The following CCDC7 variants were observed in gnomAD, a reference collection of about 807,000 sequenced individuals.
CCDC7 encodes coiled-coil domain containing 7.
Under a neutral mutation model 196.9 loss-of-function variants are expected in CCDC7, and 183 were observed. The observed-to-expected ratio is 0.93, with a 90% CI of 0.82 to 1.05. The LOEUF is 1.05. CCDC7 is among the 50% of genes least tolerant of loss of function. The pLI is 0.00. For synonymous variants in CCDC7, 525 were observed against 484.6 expected (o/e 1.08, Z -1.10); for missense variants, 1,540 against 1,482.2 (o/e 1.04, Z -0.64).
intron 13 of CCDC7, among the ~76,000 whole-genome samples, chr10:32,557,644 A>T (rs2054587366): frequency 6.6e-6 from 1 of 152,098 alleles, no homozygotes; most frequent in East Asian, 1.9e-4. Flanking sequence ...CATACATTAA[A>T]TTTTTAAATT....
chr10:32,687,863 C>T (rs1199422293), intron 22 of CCDC7, among the ~76,000 whole-genome samples: 2 of 152,126 alleles, frequency 1.3e-5, no homozygotes. Flanking sequence ...ACCATTTTGA[C>T]TCTAGTGGGG....
chr10:32,517,917 AAC>A, intron 9 of CCDC7, 26 bp from the exon 11 acceptor site: 5 of 1,588,256 alleles, frequency 3.1e-6, no homozygotes, highest in Non-Finnish European at 4.3e-6. Context: ...TACAATTATA[AAC>A]ACACTTTTTT....
intron 39 of CCDC7, among the ~76,000 whole-genome samples, chr10:32,851,330 C>A (rs913196527): frequency 8.5e-5 from 13 of 152,212 alleles, no homozygotes; most frequent in African/African-American, 2.9e-4. Context: ...CTTCTTGACA[C>A]AGTAGTTCTT....
chr10:32,557,204 A>G (rs2054502933), intron 13 of CCDC7, among the ~76,000 whole-genome samples: 1 of 150,752 alleles, frequency 6.6e-6, no homozygotes, highest in Non-Finnish European at 1.5e-5. Flanking sequence ...TTTTCTGCTG[A>G]GAAGCAATTA....
chr10:32,506,136 C>T (rs1168870508), intron 9 of CCDC7, among the ~76,000 whole-genome samples: 3 of 148,914 alleles, frequency 2.0e-5, no homozygotes, highest in African/African-American at 7.5e-5. Context: ...TGCTCACTTC[C>T]CATTCGGGGC....
At chr10:32,460,408 G>T (rs537203848) in intron 3 of CCDC7, among the ~76,000 whole-genome samples, 1 of 152,166 alleles carries the variant, frequency 6.6e-6, no homozygotes, top group Non-Finnish European at 1.5e-5. Flanking sequence ...AATTGATGCT[G>T]TGGGTTTCCT....
At chr10:32,686,509 A>G (rs1182507620) in intron 22 of CCDC7, among the ~76,000 whole-genome samples, 1 of 152,238 alleles carries the variant, frequency 6.6e-6, no homozygotes, top group Non-Finnish European at 1.5e-5. Context: ...GAACAATAGC[A>G]TAGGAGGCCT....
At chr10:32,650,006 G>A (rs1481408027) in intron 20 of CCDC7, among the ~76,000 whole-genome samples, 2 of 152,160 alleles carry the variant, frequency 1.3e-5, no homozygotes, top group East Asian at 3.9e-4. Flanking sequence ...TTCCATGTCT[G>A]TCATTTCAGA....
chr10:32,678,494 C>T (rs558271834), intron 21 of CCDC7, among the ~76,000 whole-genome samples: 33 of 152,286 alleles, frequency 2.2e-4, no homozygotes, highest in Non-Finnish European at 1.9e-4. Context: ...TGTGGGCAAG[C>T]CTACTGCTGT....
At chr10:32,656,800 C>A (rs1427971891) in intron 20 of CCDC7, among the ~76,000 whole-genome samples, 1 of 152,174 alleles carries the variant, frequency 6.6e-6, no homozygotes, top group Non-Finnish European at 1.5e-5. Context: ...TTAACTTATT[C>A]CAGCATTAAC....
intron 28 of CCDC7, among the ~76,000 whole-genome samples, chr10:32,757,031 C>A (rs961580115): frequency 6.6e-6 from 1 of 152,174 alleles, no homozygotes; most frequent in African/African-American, 2.4e-5. Context: ...GTAAAGGGAT[C>A]AATTCAACAA....
chr10:32,603,165 T>C (rs1158354053), intron 18 of CCDC7, among the ~76,000 whole-genome samples: 1 of 152,058 alleles, frequency 6.6e-6, no homozygotes, highest in Non-Finnish European at 1.5e-5. Context: ...AATTCACTTT[T>C]TTTTTTTTTA....
intron 33 of CCDC7, among the ~76,000 whole-genome samples, chr10:32,844,469 T>C (rs1161629093): frequency 6.6e-6 from 1 of 151,902 alleles, no homozygotes; most frequent in African/African-American, 2.4e-5. Context: ...ATCAAAGTAC[T>C]TTGCCCCACA....
At chr10:32,472,351 T>C in intron 6 of CCDC7, 130 bp from the exon 8 acceptor site, 1 of 821,246 alleles carries the variant, frequency 1.2e-6, no homozygotes, top group South Asian at 4.0e-5. Context: ...TGAGTAAAGA[T>C]TAAAGATATG....
intron 18 of CCDC7, among the ~76,000 whole-genome samples, chr10:32,602,172 A>G (rs191309178): frequency 6.6e-6 from 1 of 152,170 alleles, no homozygotes; most frequent in Admixed American, 6.5e-5. Flanking sequence ...TGGAAGGAAC[A>G]AACAACTCCA....
At chr10:32,843,570 T>C (rs1004811391) in intron 33 of CCDC7, among the ~76,000 whole-genome samples, 6 of 152,024 alleles carry the variant, frequency 3.9e-5, no homozygotes, top group African/African-American at 1.4e-4. Flanking sequence ...TAAAAAGAAT[T>C]AAAGCAATGA....
At chr10:32,619,870 A>T (rs559592920) in intron 18 of CCDC7, among the ~76,000 whole-genome samples, 2 of 141,734 alleles carry the variant, frequency 1.4e-5, no homozygotes, top group African/African-American at 5.7e-5. Context: ...AAGTGCTGAT[A>T]TTACAGGCAT....
At chr10:32,832,161 C>T (rs1254664090) in intron 32 of CCDC7, among the ~76,000 whole-genome samples, 4 of 152,040 alleles carry the variant, frequency 2.6e-5, no homozygotes, top group Non-Finnish European at 5.9e-5. Flanking sequence ...TGTAACCATA[C>T]AAAAGTTAAT....
chr10:32,566,964 T>A lies in CCDC7; in HGVS notation c.1198-706T>A, dbSNP rs1033077404. On this transcript the variant is annotated intron_variant, in intron 14 of 41. Transcript: ENST00000639629. The stretch of plus-strand genomic sequence containing the variant: ...TTAGCTATATATATGCAGGGTTTTT[T>A]ATATATAAATATATAACATATTTAT... 7.5e-5 allele frequency among the ~76,000 whole-genome samples: 10 copies of A among 132,860 alleles called. No homozygotes were observed. The South Asian group carries it at 1.3e-3, about 17-fold the overall frequency. The allele number at this position is 132,860 out of a possible 152,430, so 87.2% of individuals were successfully genotyped here.
Sources: gnomAD v4.1 joint callset for allele counts (sites outside exome capture counted in the v4.1 genomes callset) on GRCh38, gnomAD v4.1.1 for gene constraint, MANE v1.5 for transcripts, NCBI Gene and HGNC (gene_info 2026-07-23, HGNC 2026-07-21) for gene names.